ZNF284: variants seen among roughly 807,000 people sequenced by gnomAD.
ZNF284 encodes zinc finger protein 284.
ZNF284 carries 12 observed loss-of-function variants against 12.9 expected under a neutral mutation model. The ratio of observed to expected loss-of-function variants is 0.93; its 90% CI spans 0.60 to 1.51. The LOEUF (loss-of-function observed/expected upper bound fraction) is 1.51. Among genes scored for constraint, ZNF284 ranks in the 40% most tolerant of loss-of-function variants. The pLI is 0.00. For synonymous variants in ZNF284, 225 were observed against 236.5 expected (o/e 0.95, Z 0.45); for missense variants, 667 against 707.3 (o/e 0.94, Z 0.65).
chr19:44,081,716 AAAAACAAAAAC>A (rs1568521838), intron 3 of ZNF284, among the ~76,000 whole-genome samples: 1 of 150,508 alleles, frequency 6.6e-6, no homozygotes, highest in African/African-American at 2.4e-5. Context: ...CGTCTCAAAA[AAAAACAAAAAC>A]AAAAACAAAA....
intron 4 of ZNF284, among the ~76,000 whole-genome samples, chr19:44,084,980 T>G (rs376609121): frequency 6.6e-6 from 1 of 152,136 alleles, no homozygotes. Context: ...TCATGGCTGA[T>G]TGCTGGAGTG....
chr19:44,079,571 T>C (rs983096803), intron 2 of ZNF284, among the ~76,000 whole-genome samples: 1 of 151,182 alleles, frequency 6.6e-6, no homozygotes, highest in Non-Finnish European at 1.5e-5. Flanking sequence ...TAGCCGGGTG[T>C]GGTGGTGGGC....
intron 2 of ZNF284, 111 bp from the exon 3 acceptor site, chr19:44,080,904 C>T (rs999160765): frequency 7.4e-7 from 1 of 1,356,244 alleles, no homozygotes; most frequent in African/African-American, 1.5e-5. Context: ...TGACCTACAT[C>T]TTTCAAGATC....
chr19:44,073,195 A>G (rs965317216), intron 1 of ZNF284, among the ~76,000 whole-genome samples: 4 of 152,230 alleles, frequency 2.6e-5, no homozygotes, highest in Admixed American at 2.6e-4. Context: ...CCTAAGCAGT[A>G]AGAGGTGGAG....
At chr19:44,073,545 A>ATTTTTT (rs11331410) in intron 1 of ZNF284, among the ~76,000 whole-genome samples, 16 of 140,382 alleles carry the variant, frequency 1.1e-4, no homozygotes, top group South Asian at 9.2e-4. Flanking sequence ...CTTCGAGTGC[A>ATTTTTT]TTTTTTTTTT....
chr19:44,079,113 C>T lies in ZNF284; in HGVS notation c.16-1902C>T, dbSNP rs147535087. Among the ~76,000 whole-genome samples the T allele has an allele frequency of 3.3e-3, 504 of 152,000 alleles. 2 individuals carry two copies. Among genetic ancestry groups the T allele is most frequent in the African/African-American group, 0.011 (468 of 41,442 alleles). ...GCCAAAATTATTTTCAATGATCAGA[C>T]GGGAGAGTAAGGTCCACATACATGA... On this transcript the variant is annotated intron_variant, in intron 2 of 4. Coordinates refer to ENST00000421176, the MANE Select transcript of ZNF284 (RefSeq NM_001037813.4).
rs1460458950 is a variant in ZNF284, at chr19:44,086,244, G to GA, written c.771dup (p.Pro258ThrfsTer5). The GA allele has an allele frequency of 6.2e-7, 1 of 1,614,174 alleles. No individual in the cohort carries two copies. The highest frequency in any genetic ancestry group is 1.7e-5 in the Admixed American group (1 of 60,022). On this transcript the variant is annotated frameshift_variant, in exon 5 of 5. Coordinates refer to ENST00000421176, the MANE Select transcript of ZNF284 (RefSeq NM_001037813.4). LOFTEE classifies it low-confidence loss of function (END_TRUNC). Reference sequence around the variant, plus strand: ...TGTTCATTGCAAATTACACACAGGAGAAAAACCTCATATTTGTGAGGAATG... The same window carrying GA: ...TGTTCATTGCAAATTACACACAGGAGAAAAAACCTCATATTTGTGAGGAATG...
intron 2 of ZNF284, among the ~76,000 whole-genome samples, chr19:44,080,727 C>T (rs1284251496): frequency 6.6e-6 from 1 of 152,206 alleles, no homozygotes; most frequent in Non-Finnish European, 1.5e-5. Flanking sequence ...TATATATGTG[C>T]AGCCCAGGAT....
At chr19:44,080,422 AC>A (rs1308030109) in intron 2 of ZNF284, among the ~76,000 whole-genome samples, 1 of 152,114 alleles carries the variant, frequency 6.6e-6, no homozygotes, top group East Asian at 1.9e-4. Flanking sequence ...CATGGTCTCT[AC>A]TAAAAATACA....
chr19:44,076,507 A>G, intron 2 of ZNF284, 103 bp downstream of exon 2: 5 of 1,259,186 alleles, frequency 4.0e-6, no homozygotes, highest in Non-Finnish European at 5.6e-6. Flanking sequence ...AACAACAGTT[A>G]TTTGTGCACC....
At chr19:44,079,714 AC>A (rs1261862474) in intron 2 of ZNF284, among the ~76,000 whole-genome samples, 2 of 152,008 alleles carry the variant, frequency 1.3e-5, no homozygotes, top group African/African-American at 4.8e-5. Context: ...CTCAAAAAAA[AC>A]AAAACAAAAC....
Position 44,086,239 on chromosome 19 carries a change from C to T in ZNF284, c.761C>T (p.Thr254Ile), listed in dbSNP as rs762525911. ...ATGTATGTTCATTGCAAATTACACA[C>T]AGGAGAAAAACCTCATATTTGTGAG... The part of the protein sequence containing the change: ...SGMYVHCKLH[T>I]GEKPHICEEC... The change falls in exon 5 of 5, where the codon ACA (threonine) becomes ATA (isoleucine). Residue 254 changes from threonine (T) to isoleucine (I), a missense_variant. Coordinates refer to ENST00000421176, the MANE Select transcript of ZNF284 (RefSeq NM_001037813.4). 9.9e-6 allele frequency: 16 copies of T among 1,614,050 alleles called. No homozygotes were observed. The South Asian group carries it at 1.8e-4, about 18-fold the overall frequency.
intron 1 of ZNF284, among the ~76,000 whole-genome samples, chr19:44,075,203 A>G (rs796977093): frequency 2.0e-5 from 3 of 152,202 alleles, no homozygotes; most frequent in African/African-American, 7.2e-5. Context: ...CCCTTGCCCC[A>G]CTTTTTACCT....
intron 4 of ZNF284, among the ~76,000 whole-genome samples, chr19:44,084,720 G>A (rs1214127975): frequency 6.6e-6 from 1 of 152,158 alleles, no homozygotes; most frequent in African/African-American, 2.4e-5. Flanking sequence ...AGGCATTATT[G>A]TAACCCTCTG....
chr19:44,086,699 A>G lies in ZNF284; in HGVS notation c.1221A>G (p.Arg407=), dbSNP rs754440015. The change falls in exon 5 of 5, where the codon AGA becomes AGG. Residue 407 remains arginine, a synonymous_variant. Coordinates refer to ENST00000421176, the MANE Select transcript of ZNF284 (RefSeq NM_001037813.4). ...TCAAGTGCGACGGATGTGGGAAGAG[A>G]TTTTATATGAATTCACAGGGCCATT... ...TTFKCDGCGK[R]FYMNSQGHSH... 3 of 1,613,976 alleles carry G rather than the reference A, an allele frequency of 1.9e-6. No homozygotes were observed. Among genetic ancestry groups the G allele is most frequent in the Non-Finnish European group, 8.5e-7 (1 of 1,179,928 alleles).
chr19:44,086,292 TC>T lies in ZNF284; in HGVS notation c.817del (p.Gln273SerfsTer138). 6.2e-7 allele frequency: 1 copy of T among 1,614,184 alleles called. No individual in the cohort carries two copies. The highest frequency in any genetic ancestry group is 8.5e-7 in the Non-Finnish European group (1 of 1,180,030). ...ATGTGGGAAGGCCTTCATTCACAAT[TC>T]CCAGCTTCGGGAACATCAAAGAATC... ...EECGKAFIHN[S>X]QLREHQRIHT... On this transcript the variant is annotated frameshift_variant, in exon 5 of 5. Coordinates refer to ENST00000421176, the MANE Select transcript of ZNF284 (RefSeq NM_001037813.4). LOFTEE classifies it low-confidence loss of function (END_TRUNC).
intron 2 of ZNF284, 141 bp downstream of exon 2, chr19:44,076,545 C>A: frequency 1.2e-6 from 1 of 818,542 alleles, no homozygotes; most frequent in South Asian, 2.5e-5. Context: ...TTCCTTGTTT[C>A]TTTTGTGTTG....
intron 4 of ZNF284, among the ~76,000 whole-genome samples, chr19:44,083,474 T>TATAGAGAGAG (rs746837013): frequency 1.4e-4 from 9 of 64,922 alleles, no homozygotes; most frequent in South Asian, 6.8e-4. Context: ...TATATATATA[T>TATAGAGAGAG]AGAGAGAGAG....
chr19:44,083,278 A>G (rs1197799238), intron 4 of ZNF284, among the ~76,000 whole-genome samples: 1 of 151,474 alleles, frequency 6.6e-6, no homozygotes, highest in Non-Finnish European at 1.5e-5. Flanking sequence ...TACTAAAAAT[A>G]TAAAAATTAG....
Sources: allele counts gnomAD v4.1 joint callset (sites outside exome capture counted in the v4.1 genomes callset), GRCh38; gene constraint gnomAD v4.1.1; transcripts MANE v1.5; gene names NCBI Gene and HGNC (gene_info 2026-07-23, HGNC 2026-07-21).